The following KCTD8 variants were observed in gnomAD, a reference collection of about 807,000 sequenced individuals.
KCTD8 encodes the protein BTB/POZ domain-containing protein KCTD8.
KCTD8 carries 27 observed loss-of-function variants against 31.5 expected under a neutral mutation model. That is an observed-to-expected ratio of 0.86 (90% confidence interval 0.63 to 1.18). The LOEUF (loss-of-function observed/expected upper bound fraction) is 1.18, where lower values mean the gene tolerates loss of function less well. Among genes scored for constraint, KCTD8 ranks in the 50% most tolerant of loss-of-function variants. KCTD8 has a pLI of 0.00. For missense variants in KCTD8, 658 were observed against 647.7 expected, an observed-to-expected ratio of 1.02 and a Z score of -0.17; for synonymous variants, 290 against 280.0, an observed-to-expected ratio of 1.04 and a Z score of -0.36.
chr4:44,195,300 A>G (rs1713905560), intron 1 of KCTD8, among the ~76,000 whole-genome samples: 1 of 152,206 alleles, frequency 6.6e-6, no homozygotes, highest in Admixed American at 6.5e-5. Context: ...GATTTACAAT[A>G]TAGTTAATTT....
At chr4:44,338,066 C>T (rs1718803025) in intron 1 of KCTD8, among the ~76,000 whole-genome samples, 1 of 151,996 alleles carries the variant, frequency 6.6e-6, no homozygotes, top group Non-Finnish European at 1.5e-5. Context: ...TTTAAATCAG[C>T]ATTGCATCAT....
At chr4:44,254,615 T>C (rs948381314) in intron 1 of KCTD8, among the ~76,000 whole-genome samples, 8 of 151,760 alleles carry the variant, frequency 5.3e-5, no homozygotes, top group Non-Finnish European at 8.8e-5. Flanking sequence ...TCTATGCCTT[T>C]TTAGCCTCAC....
chr4:44,239,359 G>T (rs1715383462), intron 1 of KCTD8, among the ~76,000 whole-genome samples: 1 of 152,154 alleles, frequency 6.6e-6, no homozygotes, highest in Non-Finnish European at 1.5e-5. Flanking sequence ...CTTACTGGCT[G>T]TGCAACCTCA....
At chr4:44,322,900 C>T (rs1448704292) in intron 1 of KCTD8, among the ~76,000 whole-genome samples, 2 of 151,920 alleles carry the variant, frequency 1.3e-5, no homozygotes, top group African/African-American at 4.8e-5. Flanking sequence ...GCTACAAGTG[C>T]ATGAATTTAT....
At chr4:44,413,753 G>T (rs1028320634) in intron 1 of KCTD8, among the ~76,000 whole-genome samples, 3 of 151,870 alleles carry the variant, frequency 2.0e-5, no homozygotes, top group Admixed American at 1.3e-4. Context: ...TGGATTCTGT[G>T]ACTATGTACA....
chr4:44,387,133 TAA>T (rs1720243418), intron 1 of KCTD8, among the ~76,000 whole-genome samples: 1 of 151,340 alleles, frequency 6.6e-6, no homozygotes, highest in South Asian at 2.1e-4. Flanking sequence ...AATTGCCACA[TAA>T]ATAATAAAAT....
chr4:44,247,766 G>A (rs1715709388), intron 1 of KCTD8, among the ~76,000 whole-genome samples: 5 of 151,612 alleles, frequency 3.3e-5, no homozygotes, highest in South Asian at 2.1e-4. Flanking sequence ...TGTCCTCCAA[G>A]TTCATTCATG....
chr4:44,292,532 C>T (rs193028179), intron 1 of KCTD8, among the ~76,000 whole-genome samples: 1 of 152,198 alleles, frequency 6.6e-6, no homozygotes, highest in East Asian at 1.9e-4. Flanking sequence ...ATGCTCTCTA[C>T]CTGAGTGATG....
chr4:44,433,575 C>G (rs1721564845), intron 1 of KCTD8, among the ~76,000 whole-genome samples: 1 of 151,572 alleles, frequency 6.6e-6, no homozygotes, highest in African/African-American at 2.4e-5. Flanking sequence ...TGAGCCATAC[C>G]CCATAGATTC....
At chr4:44,246,576 T>C (rs974876294) in intron 1 of KCTD8, among the ~76,000 whole-genome samples, 1 of 152,040 alleles carries the variant, frequency 6.6e-6, no homozygotes, top group Non-Finnish European at 1.5e-5. Flanking sequence ...AACTTTTCTT[T>C]GGCTCGGATT....
chr4:44,394,208 C>T (rs1190634819), intron 1 of KCTD8, among the ~76,000 whole-genome samples: 25 of 151,974 alleles, frequency 1.6e-4, no homozygotes, highest in Non-Finnish European at 2.1e-4. Flanking sequence ...ATGGCAAGCA[C>T]TAGAAGCTTT....
intron 1 of KCTD8, among the ~76,000 whole-genome samples, chr4:44,254,242 AG>A (rs1715929108): frequency 6.6e-6 from 1 of 151,956 alleles, no homozygotes; most frequent in African/African-American, 2.4e-5. Flanking sequence ...TTTCCAAGCT[AG>A]GAATTACCAG....
At chr4:44,253,027 T>C (rs568098245) in intron 1 of KCTD8, among the ~76,000 whole-genome samples, 1 of 151,910 alleles carries the variant, frequency 6.6e-6, no homozygotes, top group East Asian at 1.9e-4. Context: ...TCAATTTTTT[T>C]TCCTGAAGGA....
rs574671982 is a variant in KCTD8 at position 44,266,131 on chromosome 4, A to G, written c.962-90881T>C. On this transcript the variant is annotated intron_variant, in intron 1 of 1. Coordinates refer to ENST00000360029, the MANE Select transcript of KCTD8 (RefSeq NM_198353.3). ...TTGAAATGAAGGAAAAAATGTTAAGAGCAGCCAGAGAGAAAGGTTGGGTTA... is the reference window on the plus strand; with the variant it reads ...TTGAAATGAAGGAAAAAATGTTAAGGGCAGCCAGAGAGAAAGGTTGGGTTA... Among the ~76,000 whole-genome samples, 344 of 152,132 alleles carry G rather than the reference A, an allele frequency of 2.3e-3. 1 individual carries two copies. The highest frequency in any genetic ancestry group is 7.9e-3 in the African/African-American group (328 of 41,528).
intron 1 of KCTD8, among the ~76,000 whole-genome samples, chr4:44,364,389 T>C (rs1719577673): frequency 6.6e-6 from 1 of 152,016 alleles, no homozygotes. Context: ...GAGTTACTAC[T>C]ACACACCTAT....
intron 1 of KCTD8, among the ~76,000 whole-genome samples, chr4:44,181,948 T>C (rs1173986273): frequency 7.1e-6 from 1 of 141,790 alleles, no homozygotes; most frequent in African/African-American, 2.5e-5. Flanking sequence ...AGCCGCCCCC[T>C]CTGAGAAGTG....
intron 1 of KCTD8, among the ~76,000 whole-genome samples, chr4:44,392,951 A>G (rs758893713): frequency 3.9e-5 from 6 of 152,080 alleles, no homozygotes; most frequent in Non-Finnish European, 7.4e-5. Context: ...ATTGTCAGAG[A>G]AGACATGGAC....
intron 1 of KCTD8, among the ~76,000 whole-genome samples, chr4:44,438,488 A>G (rs1721734727): frequency 6.6e-6 from 1 of 152,208 alleles, no homozygotes; most frequent in South Asian, 2.1e-4. Context: ...TCCATTGACT[A>G]TAAGTATTAT....
intron 1 of KCTD8, among the ~76,000 whole-genome samples, chr4:44,279,806 A>T (rs1160289350): frequency 3.3e-5 from 5 of 152,030 alleles, no homozygotes; most frequent in African/African-American, 1.2e-4. Context: ...ACACCACAAC[A>T]TATATATACA....
Sources: allele counts gnomAD v4.1 joint callset (sites outside exome capture counted in the v4.1 genomes callset), GRCh38; gene constraint gnomAD v4.1.1; transcripts MANE v1.5; gene names NCBI Gene and HGNC (gene_info 2026-07-23, HGNC 2026-07-21).